IVNS1ABP: variants seen among roughly 807,000 people sequenced by gnomAD.
IVNS1ABP encodes the protein influenza virus NS1A-binding protein.
A neutral mutation model predicts 78.9 loss-of-function variants in IVNS1ABP; 25 were observed. That is an observed-to-expected ratio of 0.32 (90% CI 0.23 to 0.44). The LOEUF (loss-of-function observed/expected upper bound fraction) is 0.44. Among genes scored for constraint, IVNS1ABP ranks in the 20% least tolerant of loss-of-function variants. The pLI, the probability that IVNS1ABP is intolerant of heterozygous loss-of-function variation, is 1.00. For missense variants in IVNS1ABP, 494 were observed against 768.9 expected (o/e 0.64, Z 4.23); for synonymous variants, 241 against 259.7 (o/e 0.93, Z 0.69).
Position 185,305,523 on chromosome 1 carries a change from G to C in IVNS1ABP, c.765+13C>G. 1.2e-6 allele frequency: 2 copies of C among 1,612,494 alleles called. No individual in the cohort carries two copies. The highest frequency in any genetic ancestry group is 1.7e-6 in the Non-Finnish European group (2 of 1,179,228). ...TTTTAACCTGAGGTTACCTCAGACT[G>C]TGCAATGTGTACCTGCACAAACTGA... On this transcript the variant is annotated intron_variant, in intron 8 of 14. Coordinates refer to ENST00000367498, the MANE Select transcript of IVNS1ABP (RefSeq NM_006469.5). This position sits in a 1 kb window ranked among gnomAD's most constrained non-coding sequence, Gnocchi z 4.0.
At chr1:185,300,653 A>G in intron 10 of IVNS1ABP, 95 bp from the exon 11 acceptor site, 2 of 1,300,858 alleles carry the variant, frequency 1.5e-6, no homozygotes, top group Non-Finnish European at 2.1e-6. Flanking sequence ...GCACAATGAG[A>G]AAAAGTATTA....
At chr1:185,314,012 T>G (rs1031896171) in intron 1 of IVNS1ABP, among the ~76,000 whole-genome samples, 2 of 152,190 alleles carry the variant, frequency 1.3e-5, no homozygotes, top group Non-Finnish European at 2.9e-5. Flanking sequence ...AGGCACAATA[T>G]GGCCTCTGCT....
At position 185,307,518 on chromosome 1, in the gene IVNS1ABP, C is replaced by T; in HGVS notation, c.502G>A (p.Glu168Lys). ...AGCCTTGGAAGCTTAAGAAACTCCT[C>T]CTCTTCAGAAATTTGTAACAAATGC... ...QEHLLQISEE[E>K]EFLKLPRLKL... Residue 168 changes from glutamate to lysine, a missense_variant, in exon 6 of 15, where the codon GAG becomes AAG. Glu to Lys is a moderately conservative substitution (Grantham distance 56). Coordinates refer to ENST00000367498, the MANE Select transcript of IVNS1ABP (RefSeq NM_006469.5). The T allele has an allele frequency of 6.2e-7, 1 of 1,613,108 alleles. No homozygotes were observed. The highest frequency in any genetic ancestry group is 8.5e-7 in the Non-Finnish European group (1 of 1,179,536).
chr1:185,308,127 A>G, intron 5 of IVNS1ABP: 1 of 1,328,800 alleles, frequency 7.5e-7, no homozygotes, highest in South Asian at 1.6e-5. Flanking sequence ...TATGTACTGT[A>G]AATTAAGGAA....
chr1:185,297,728 G>A lies in IVNS1ABP; in HGVS notation c.*307C>T, dbSNP rs1665456231. 2.7e-6 allele frequency: 1 copy of A among 365,636 alleles called. No individual in the cohort carries two copies. The highest frequency in any genetic ancestry group is 5.0e-6 in the Non-Finnish European group (1 of 201,174). The allele number at this position is 365,636 out of a possible 1,614,324, so 22.6% of individuals were successfully genotyped here. The stretch of plus-strand genomic sequence containing the variant: ...GGAAGAGTCATTTAATGTGCAAATT[G>A]GCAAAACAAATGTGGAGGAGAGGGG... On this transcript the variant is annotated 3_prime_UTR_variant, in exon 15 of 15. Transcript: ENST00000367498.
chr1:185,300,667 C>T, intron 10 of IVNS1ABP, 109 bp from the exon 11 acceptor site: 1 of 1,177,272 alleles, frequency 8.5e-7, no homozygotes, highest in Non-Finnish European at 1.2e-6. Flanking sequence ...AGTATTAAAA[C>T]TTTTTAAGGA....
At chr1:185,309,626 A>G in intron 2 of IVNS1ABP, 115 bp from the exon 3 acceptor site, 2 of 621,090 alleles carry the variant, frequency 3.2e-6, no homozygotes, top group Non-Finnish European at 5.7e-6. Context: ...TAAACAACAC[A>G]TAAAAATTTC....
rs1252535635 is a variant in IVNS1ABP at position 185,301,486 on chromosome 1, T to C, written c.843A>G (p.Thr281=). 7.4e-6 allele frequency: 12 copies of C among 1,613,254 alleles called. No individual in the cohort carries two copies. Among genetic ancestry groups the C allele is most frequent in the Non-Finnish European group, 1.0e-5 (12 of 1,179,360 alleles). The part of the protein sequence containing the change: ...STGCLSSPNA[T]VQSPKHEWKI... ...TCCACTCATGCTTAGGGCTTTGTAC[T>C]GTAGCATTTGGAGAAGAGAGACATC... is the stretch of plus-strand genomic sequence containing the variant. The change falls in exon 9 of 15, where the codon ACA becomes ACG. Residue 281 remains threonine (T), a synonymous_variant. Coordinates refer to ENST00000367498, the MANE Select transcript of IVNS1ABP (RefSeq NM_006469.5).
chr1:185,301,129 G>C lies in IVNS1ABP; in HGVS notation c.963C>G (p.Asn321Lys). 6.2e-7 allele frequency: 1 copy of C among 1,613,480 alleles called. No individual in the cohort carries two copies. Among genetic ancestry groups the C allele is most frequent in the Non-Finnish European group, 8.5e-7 (1 of 1,179,692 alleles). The change falls in exon 10 of 15, where the codon AAC becomes AAG. Residue 321 changes from asparagine to lysine, a missense_variant. Asn to Lys is a moderately conservative substitution (Grantham distance 94, BLOSUM62 0). Transcript: ENST00000367498. ...IFCVIFLHGR[N>K]SPQSSPTSTP... is the part of the protein sequence containing the mutation. ...TACTTGTTGGTGAGCTCTGTGGGCTGTTTCTCCCATGAAGAAAAATGACAC... is the reference window on the plus strand; with the variant it reads ...TACTTGTTGGTGAGCTCTGTGGGCTCTTTCTCCCATGAAGAAAAATGACAC...
At chr1:185,301,321 A>T in intron 9 of IVNS1ABP, 113 bp downstream of exon 9, 1 of 1,456,718 alleles carries the variant, frequency 6.9e-7, no homozygotes, top group Non-Finnish European at 9.5e-7. Context: ...TTCCAAATTT[A>T]ATTGCTTCTG....
At chr1:185,306,645 T>C (rs1300388213) in intron 7 of IVNS1ABP, 10 of 1,156,456 alleles carry the variant, frequency 8.6e-6, no homozygotes, top group African/African-American at 1.7e-5. Flanking sequence ...GATAAATCAA[T>C]GGGGAGGAAC....
chr1:185,307,701 C>A (rs761496615), intron 5 of IVNS1ABP, 39 bp from the exon 6 acceptor site: 15 of 1,563,866 alleles, frequency 9.6e-6, no homozygotes, highest in Non-Finnish European at 1.2e-5. Context: ...ACTTACATAT[C>A]TTTTATTCAA....
intron 2 of IVNS1ABP, among the ~76,000 whole-genome samples, chr1:185,310,169 A>G (rs911963726): frequency 2.6e-5 from 4 of 152,226 alleles, no homozygotes; most frequent in African/African-American, 9.6e-5. Flanking sequence ...AAAAAGATGA[A>G]CTTATATTCT....
rs1254102813 is a variant in IVNS1ABP, at chr1:185,300,883, G to T, written c.1120+89C>A. 2.0e-5 allele frequency: 19 copies of T among 945,566 alleles called. No homozygotes were observed. In the South Asian group the frequency reaches 2.3e-4, roughly 11 times the overall value. 58.6% of individuals were successfully genotyped at this position (945,566 alleles called of 1,614,324 possible). On this transcript the variant is annotated intron_variant, in intron 10 of 14. Transcript: ENST00000367498. The stretch of plus-strand genomic sequence containing the variant: ...CCTATCTTATTGGATTGCCGTGAAA[G>T]ATGGCATATTAAACCCTCTCTTTGA...
chr1:185,297,053 G>A lies in IVNS1ABP; in HGVS notation c.*982C>T, dbSNP rs1441960274. 1.3e-5 allele frequency: 2 copies of A among 151,962 alleles called. No individual in the cohort carries two copies. Among genetic ancestry groups the A allele is most frequent in the African/African-American group, 2.4e-5 (1 of 41,394 alleles). The allele number at this position is 151,962 out of a possible 1,614,324, so 9.4% of individuals were successfully genotyped here. A position where few individuals can be genotyped will look rare whatever the true frequency, so the allele number is the denominator to read the frequency against. The stretch of plus-strand genomic sequence containing the variant: ...ATTTATCCATATGAACAGATAAACT[G>A]AACAAAAACATAGTTCTGATAAAAC... On this transcript the variant is annotated 3_prime_UTR_variant, in exon 15 of 15. Coordinates refer to ENST00000367498, the MANE Select transcript of IVNS1ABP (RefSeq NM_006469.5).
At chr1:185,306,674 C>T (rs954095552) in intron 7 of IVNS1ABP, 7 of 1,136,354 alleles carry the variant, frequency 6.2e-6, no homozygotes, top group East Asian at 7.2e-5. Context: ...GAAGCTTTTA[C>T]CTACTTGTCA....
chr1:185,315,047 C>T (rs1023559680), intron 1 of IVNS1ABP, among the ~76,000 whole-genome samples: 1 of 152,148 alleles, frequency 6.6e-6, no homozygotes, highest in African/African-American at 2.4e-5. Context: ...CAATCTCTTA[C>T]TCACAATACT....
rs16823901 is a variant in IVNS1ABP at position 185,311,039 on chromosome 1, G to A, written c.-19+56C>T. 2.8e-3 allele frequency: 944 copies of A among 332,078 alleles called. 9 individuals carry two copies. Among genetic ancestry groups the A allele is most frequent in the African/African-American group, 0.018 (850 of 47,412 alleles). 20.6% of individuals were successfully genotyped at this position (332,078 alleles called of 1,614,324 possible). A position where few individuals can be genotyped will look rare whatever the true frequency, so the allele number is the denominator to read the frequency against. On this transcript the variant is annotated intron_variant, in intron 2 of 14. Transcript: ENST00000367498. ...GAAAGGTTTACTGTACTCGACATCC[G>A]TCTTCAGAAAAACAATGTGTCTTAA...
intron 8 of IVNS1ABP, among the ~76,000 whole-genome samples, chr1:185,304,430 T>C (rs912162073): frequency 2.0e-5 from 3 of 152,114 alleles, no homozygotes; most frequent in Non-Finnish European, 4.4e-5. Flanking sequence ...TCCAAAACTT[T>C]TAGAAATATT....
Sources: gnomAD v4.1 joint callset for allele counts (sites outside exome capture counted in the v4.1 genomes callset) on GRCh38, gnomAD v4.1.1 for gene constraint, Gnocchi (gnomAD v3.1) non-coding constraint, MANE v1.5 for transcripts, NCBI Gene and HGNC (gene_info 2026-07-23, HGNC 2026-07-21) for gene names.